PLB1: variants seen among roughly 807,000 people sequenced by gnomAD.
The protein encoded by PLB1 is phospholipase B1.
In PLB1, 242 loss-of-function variants were observed where a neutral mutation model predicts 227.4. The ratio of observed to expected loss-of-function variants is 1.06; its 90% CI spans 0.96 to 1.18. The LOEUF is 1.18. Among genes scored for constraint, PLB1 ranks in the 50% most tolerant of loss-of-function variants. The pLI is 0.00. For synonymous variants in PLB1, 757 were observed against 682.2 expected, an observed-to-expected ratio of 1.11 and a Z score of -1.71; for missense variants, 1,858 against 1,816.3, an observed-to-expected ratio of 1.02 and a Z score of -0.42.
At chr2:28,635,423 C>T (rs1297735114) in intron 56 of PLB1, among the ~76,000 whole-genome samples, 1 of 152,222 alleles carries the variant, frequency 6.6e-6, no homozygotes, top group African/African-American at 2.4e-5. Context: ...CCCAACATAA[C>T]ACAGACTGTT....
intron 4 of PLB1, among the ~76,000 whole-genome samples, chr2:28,522,738 C>T (rs185163728): frequency 3.9e-4 from 59 of 152,320 alleles, no homozygotes; most frequent in Middle Eastern, 3.4e-3. Context: ...CTCAGGAACA[C>T]GACTCCATCA....
In PLB1 at chr2:28,539,157, A is replaced by G. The variant is rs1672114114; in HGVS notation, c.677A>G (p.Gln226Arg). 6.2e-7 allele frequency: 1 copy of G among 1,613,896 alleles called. No homozygotes were observed. Among genetic ancestry groups the G allele is most frequent in the Admixed American group, 1.7e-5 (1 of 60,026 alleles). ...DLSEVAEVSR[Q>R]YHGTWLSPAP... ...TCTGAGGTTGCAGAGGTCTCTCGTC[A>G]GTATCACGGCACTTGGCTCAGGTAA... The change falls in exon 11 of 58, where the codon CAG (glutamine) becomes CGG (arginine). Residue 226 changes from glutamine (Q) to arginine (R), a missense_variant. Physicochemically the swap from Gln to Arg is conservative, Grantham distance 43. Coordinates refer to ENST00000327757, the MANE Select transcript of PLB1 (RefSeq NM_153021.5).
At position 28,581,482 on chromosome 2, in the gene PLB1, C is replaced by CA. The variant is rs149826765; in HGVS notation, c.1567-579dup. Among the ~76,000 whole-genome samples the CA allele has an allele frequency of 3.7e-3, 217 of 58,268 alleles. 4 individuals are homozygous for CA. Among genetic ancestry groups the CA allele is most frequent in the Middle Eastern group, 0.011 (1 of 94 alleles). The allele number at this position is 58,268 out of a possible 152,430, so 38.2% of individuals were successfully genotyped here. A position where few individuals can be genotyped will look rare whatever the true frequency, so the allele number is the denominator to read the frequency against. On this transcript the variant is annotated intron_variant, in intron 23 of 57. Transcript: ENST00000327757. ...TATGGAGTAGATCCAGAGCTCCACGCAAAAAAATAAATAAATAAATAAATA... is the reference window on the plus strand; with the variant it reads ...TATGGAGTAGATCCAGAGCTCCACGCAAAAAAAATAAATAAATAAATAAATA...
At chr2:28,624,521 A>G (rs1687469100) in intron 49 of PLB1, among the ~76,000 whole-genome samples, 1 of 151,768 alleles carries the variant, frequency 6.6e-6, no homozygotes. Context: ...ATCCTGGTTT[A>G]TTGGAGAGGG....
chr2:28,642,768 C>T, intron 57 of PLB1, 90 bp from the exon 58 acceptor site: 1 of 1,119,808 alleles, frequency 8.9e-7, no homozygotes, highest in Non-Finnish European at 1.3e-6. Flanking sequence ...GTTATCGCAG[C>T]ATCTCAGGAA....
intron 14 of PLB1, among the ~76,000 whole-genome samples, chr2:28,545,156 G>C (rs1673050589): frequency 1.3e-5 from 2 of 152,190 alleles, no homozygotes; most frequent in Admixed American, 6.5e-5. Flanking sequence ...GCGACACAGA[G>C]AGTGTCACAA....
intron 17 of PLB1, among the ~76,000 whole-genome samples, chr2:28,553,961 T>C (rs1195045142): frequency 6.6e-6 from 1 of 152,082 alleles, no homozygotes; most frequent in East Asian, 1.9e-4. Flanking sequence ...TTGGCTGCCC[T>C]TCACACATGC....
intron 26 of PLB1, among the ~76,000 whole-genome samples, chr2:28,588,156 T>G (rs1281661507): frequency 6.6e-6 from 1 of 152,148 alleles, no homozygotes; most frequent in Non-Finnish European, 1.5e-5. Context: ...AGTCACTCAC[T>G]TACCACTTGC....
At chr2:28,558,791 G>A (rs551226727) in intron 17 of PLB1, among the ~76,000 whole-genome samples, 1 of 152,246 alleles carries the variant, frequency 6.6e-6, no homozygotes, top group African/African-American at 2.4e-5. Flanking sequence ...AGCAGCTCTT[G>A]AATCTAAGAG....
At position 28,592,691 on chromosome 2, in the gene PLB1, T is replaced by A. The variant is rs1158246279; in HGVS notation, c.2219T>A (p.Val740Asp). The change falls in exon 32 of 58, where the codon GTT (valine) becomes GAT (aspartate). Residue 740 changes from valine (V) to aspartate (D), a missense_variant. Coordinates refer to ENST00000327757, the MANE Select transcript of PLB1 (RefSeq NM_153021.5). The part of the protein sequence containing the change: ...VHALRPADIQ[V>D]VAALGDSLTA... Reference sequence around the variant, plus strand: ...GCCCTGAGACCTGCAGACATCCAAGTTGTGGCTGCTCTGGGGGATTCTCTG... The same window carrying A: ...GCCCTGAGACCTGCAGACATCCAAGATGTGGCTGCTCTGGGGGATTCTCTG... The A allele has an allele frequency of 6.2e-7, 1 of 1,614,152 alleles. No homozygotes were observed. Among genetic ancestry groups the A allele is most frequent in the Admixed American group, 1.7e-5 (1 of 60,018 alleles).
At chr2:28,568,192 G>A (rs1677376934) in intron 20 of PLB1, among the ~76,000 whole-genome samples, 1 of 152,214 alleles carries the variant, frequency 6.6e-6, no homozygotes, top group African/African-American at 2.4e-5. Context: ...CTATAAATCA[G>A]TTCCTCTATT....
intron 14 of PLB1, among the ~76,000 whole-genome samples, chr2:28,543,638 T>C (rs1484202501): frequency 1.3e-5 from 2 of 152,164 alleles, no homozygotes; most frequent in South Asian, 2.1e-4. Flanking sequence ...GGCGGTGTTG[T>C]GCGGTTGTCA....
At position 28,509,557 on chromosome 2, in the gene PLB1, G is replaced by T. The variant is rs560986905; in HGVS notation, c.56-7251G>T. Reference sequence around the variant, plus strand: ...GGTGCTTTGTTGGTTCCAGACCCCAGTGGTCACAGCCCTGTCCAACTTGGA... The same window carrying T: ...GGTGCTTTGTTGGTTCCAGACCCCATTGGTCACAGCCCTGTCCAACTTGGA... On this transcript the variant is annotated intron_variant, in intron 1 of 57. Transcript: ENST00000327757. Among the ~76,000 whole-genome samples, 9 of 152,322 alleles carry T rather than the reference G, an allele frequency of 5.9e-5. No individual in the cohort carries two copies. The East Asian group carries it at 1.5e-3, about 26-fold the overall frequency.
rs1184603308 is a variant in PLB1 at position 28,601,919 on chromosome 2, C to T, written c.2628C>T (p.Asn876=). The T allele has an allele frequency of 1.2e-6, 2 of 1,610,912 alleles. No individual in the cohort carries two copies. The highest frequency in any genetic ancestry group is 2.2e-5 in the East Asian group (1 of 44,822). ...CTDSNLYSAA[N]FVHHLRNALD... is the part of the protein sequence containing the mutation. ...TCTAGAATCTGTATTCTGCAGCCAA[C>T]TTTGTTCACCATCTCCGCAATGCCT... Residue 876 remains asparagine (N), a synonymous_variant, in exon 38 of 58, where the codon AAC becomes AAT. Transcript: ENST00000327757.
chr2:28,621,017 G>A (rs200158995), intron 49 of PLB1, 39 bp downstream of exon 49: 1 of 1,527,858 alleles, frequency 6.5e-7, no homozygotes, highest in East Asian at 2.2e-5. Flanking sequence ...TGGAAGGCAA[G>A]ACTGAGACAT....
intron 41 of PLB1, 79 bp downstream of exon 41, chr2:28,604,838 A>G (rs1684435622): frequency 1.5e-6 from 2 of 1,308,244 alleles, no homozygotes; most frequent in Admixed American, 2.0e-5. Flanking sequence ...TTCCACGAGC[A>G]TGTGCATAAA....
At chr2:28,589,022 A>G (rs564756014) in intron 26 of PLB1, among the ~76,000 whole-genome samples, 3,553 of 151,736 alleles carry the variant, frequency 0.023, 156 homozygotes, top group African/African-American at 0.082. Context: ...AAAATTAGCC[A>G]GGCGTGGTGG....
intron 20 of PLB1, among the ~76,000 whole-genome samples, 158 bp downstream of exon 20, chr2:28,566,997 C>A (rs554267844): frequency 6.8e-6 from 1 of 147,210 alleles, no homozygotes; most frequent in South Asian, 2.2e-4. Context: ...CGCCCAGCTC[C>A]GCTTCCGACA....
rs373310166 is a variant in PLB1 at position 28,617,734 on chromosome 2, G to A, written c.3203G>A (p.Gly1068Asp). Reference protein sequence around the residue: ...YPIKPAIENWGSDFLCTEWKA... With the variant: ...YPIKPAIENWDSDFLCTEWKA... Reference sequence around the variant, plus strand: ...TTTCTCCTGTTGATTTAGAACTGGGGCAGTGACTTCCTGTGTACAGAGTGG... The same window carrying A: ...TTTCTCCTGTTGATTTAGAACTGGGACAGTGACTTCCTGTGTACAGAGTGG... The change falls in exon 45 of 58, where the codon GGC becomes GAC. Residue 1068 changes from glycine to aspartate, a missense_variant. By Grantham distance (94) the Gly-to-Asp change is moderately conservative (BLOSUM62 -1). Transcript: ENST00000327757. 1 of 1,614,128 alleles carries A rather than the reference G, an allele frequency of 6.2e-7. No homozygotes were observed. Among genetic ancestry groups the A allele is most frequent in the Non-Finnish European group, 8.5e-7 (1 of 1,179,976 alleles).
Sources: allele counts gnomAD v4.1 joint callset (sites outside exome capture counted in the v4.1 genomes callset), GRCh38; gene constraint gnomAD v4.1.1; transcripts MANE v1.5; gene names NCBI Gene and HGNC (gene_info 2026-07-23, HGNC 2026-07-21).